ATP4A: variants seen among roughly 807,000 people sequenced by gnomAD.
ATP4A encodes ATPase H+/K+ transporting subunit alpha, also known as potassium-transporting ATPase alpha chain 1.
In ATP4A, 73 loss-of-function variants were observed where a neutral mutation model predicts 112.1. The observed-to-expected ratio is 0.65, with a 90% CI of 0.54 to 0.79. The LOEUF (loss-of-function observed/expected upper bound fraction) is 0.79. Ranked by LOEUF, ATP4A falls within the 30% of genes least tolerant of loss-of-function variation. ATP4A has a pLI of 0.00. For synonymous variants in ATP4A, 588 were observed against 588.9 expected (o/e 1.00, Z 0.02); for missense variants, 1,081 against 1,425.9 (o/e 0.76, Z 3.90).
In ATP4A at chr19:35,559,014, C is replaced by T. The variant is rs1436830658; in HGVS notation, c.1234G>A (p.Asp412Asn). The change falls in exon 8 of 22, where the codon GAC (aspartate) becomes AAC (asparagine). Residue 412 changes from aspartate to asparagine, a missense_variant. By Grantham distance (23) the Asp-to-Asn change is conservative (BLOSUM62 1). Around this residue, in one of 3 missense-constraint regions of ATP4A, gnomAD observed 850 missense variants for 1,068.2 expected, o/e 0.80. Transcript: ENST00000262623. The surrounding 1 kb of genome is among the most constrained non-coding windows in gnomAD (Gnocchi z 4.1). ...LWFDNHIHTA[D>N]TTEDQSGQTF... ...ACACCTGACTGGTCTTCCGTGGTGT[C>T]AGCTGTGTGGATGTGGTTGTCAAAC... 1 of 1,614,204 alleles carries T rather than the reference C, an allele frequency of 6.2e-7. No individual in the cohort carries two copies. The highest frequency in any genetic ancestry group is 1.1e-5 in the South Asian group (1 of 91,074).
chr19:35,550,896 T>C lies in ATP4A; in HGVS notation c.3017A>G (p.Tyr1006Cys), dbSNP rs763693283. The C allele has an allele frequency of 6.2e-6, 10 of 1,614,018 alleles. No homozygotes were observed. The highest frequency in any genetic ancestry group is 8.5e-6 in the Non-Finnish European group (10 of 1,180,022). The change falls in exon 21 of 22, where the codon TAC becomes TGC. Residue 1006 changes from tyrosine (Y) to cysteine (C), a missense_variant. This residue lies in a region of ATP4A where 219 missense variants were observed against 320.9 expected (regional missense o/e 0.68). Coordinates refer to ENST00000262623, the MANE Select transcript of ATP4A (RefSeq NM_000704.3). This position sits in a 1 kb window ranked among gnomAD's most constrained non-coding sequence, Gnocchi z 4.1. Reference sequence around the variant, plus strand: ...ATCATAGACGAAGATGAGGATGCCGTAGGGCAGGGGGACCAGCCACCACTG... The same window carrying C: ...ATCATAGACGAAGATGAGGATGCCGCAGGGCAGGGGGACCAGCCACCACTG... ...RFQWWLVPLP[Y>C]GILIFVYDEI...
At chr19:35,556,771 T>C in intron 12 of ATP4A, 142 bp downstream of exon 12, 1 of 1,011,178 alleles carries the variant, frequency 9.9e-7, no homozygotes. Context: ...TGAAGCTTAA[T>C]TCCCCAGAAT....
chr19:35,553,923 C>G (rs1296964712), intron 16 of ATP4A, 94 bp from the exon 17 acceptor site: 2 of 1,487,752 alleles, frequency 1.3e-6, no homozygotes, highest in Non-Finnish European at 1.8e-6. Flanking sequence ...TGAGCAGGAA[C>G]AGGACTGAGG....
In ATP4A at chr19:35,558,278, C is replaced by G; in HGVS notation, c.1500+84G>C. On this transcript the variant is annotated intron_variant, in intron 10 of 21. Transcript: ENST00000262623. The surrounding 1 kb of genome is among the most constrained non-coding windows in gnomAD (Gnocchi z 5.1). Reference sequence around the variant, plus strand: ...GAGAGAAGGGGCAAGGAGCGAAGCCCCTCGTGGCCCGCTGATGTGGGTGTG... The same window carrying G: ...GAGAGAAGGGGCAAGGAGCGAAGCCGCTCGTGGCCCGCTGATGTGGGTGTG... 2.7e-6 allele frequency: 4 copies of G among 1,491,510 alleles called. No homozygotes were observed. The highest frequency in any genetic ancestry group is 3.6e-6 in the Non-Finnish European group (4 of 1,111,340). 92.4% of individuals were successfully genotyped at this position (1,491,510 alleles called of 1,614,324 possible).
Position 35,563,514 on chromosome 19 carries a change from A to T in ATP4A, c.26T>A (p.Leu9His), listed in dbSNP as rs543393075. The T allele has an allele frequency of 6.2e-7, 1 of 1,613,874 alleles. No individual in the cohort carries two copies. The highest frequency in any genetic ancestry group is 2.2e-5 in the East Asian group (1 of 44,846). Reference sequence around the variant, plus strand: ...GCCAGGACCCAGCTCCACCGAGTAGAGCTCATAGTTCTCCTGGGAATGGAC... The same window carrying T: ...GCCAGGACCCAGCTCCACCGAGTAGTGCTCATAGTTCTCCTGGGAATGGAC... MGKAENYE[L>H]YSVELGPGPG... Residue 9 changes from leucine (L) to histidine (H), a missense_variant, in exon 2 of 22, where the codon CTC (leucine) becomes CAC (histidine). Physicochemically the swap from Leu to His is moderately conservative, Grantham distance 99. Coordinates refer to ENST00000262623, the MANE Select transcript of ATP4A (RefSeq NM_000704.3).
chr19:35,561,847 CTTTTTTTT>C (rs71167554), intron 4 of ATP4A, among the ~76,000 whole-genome samples: 179 of 103,808 alleles, frequency 1.7e-3, no homozygotes, highest in African/African-American at 6.8e-3. Context: ...AGTCCCATCT[CTTTTTTTT>C]TTTTTTTTTT....
At position 35,550,677 on chromosome 19, in the gene ATP4A, T is replaced by TG; in HGVS notation, c.3080-35dup. ...GAGAGGGAGAAAGGAGACTCAGTGC[T>TG]GGGGGTGCCACTTAGGCAGGGCCAG... is the stretch of plus-strand genomic sequence containing the variant. On this transcript the variant is annotated intron_variant, in intron 21 of 21. Coordinates refer to ENST00000262623, the MANE Select transcript of ATP4A (RefSeq NM_000704.3). This position sits in a 1 kb window ranked among gnomAD's most constrained non-coding sequence, Gnocchi z 4.1. 1 of 1,613,692 alleles carries TG rather than the reference T, an allele frequency of 6.2e-7. No homozygotes were observed. Among genetic ancestry groups the TG allele is most frequent in the Non-Finnish European group, 8.5e-7 (1 of 1,179,758 alleles).
rs1278762997 is a variant in ATP4A at position 35,563,613 on chromosome 19, C to T, written c.12+5G>A. The T allele has an allele frequency of 6.2e-7, 1 of 1,614,018 alleles. No individual in the cohort carries two copies. The highest frequency in any genetic ancestry group is 2.2e-5 in the East Asian group (1 of 44,860). On this transcript the variant is annotated splice_donor_5th_base_variant and intron_variant, in intron 1 of 21. Coordinates refer to ENST00000262623, the MANE Select transcript of ATP4A (RefSeq NM_000704.3). ...CTGCACCCCGGACCCCTGGGCCCCACTCACGGCCTTCCCCATGGTGCCCGG... is the reference window on the plus strand; with the variant it reads ...CTGCACCCCGGACCCCTGGGCCCCATTCACGGCCTTCCCCATGGTGCCCGG...
rs1448074397 is a variant in ATP4A at position 35,553,036 on chromosome 19, C to G, written c.2751+1G>C. 1 of 1,595,350 alleles carries G rather than the reference C, an allele frequency of 6.3e-7. No homozygotes were observed. The highest frequency in any genetic ancestry group is 1.3e-5 in the African/African-American group (1 of 74,598). The stretch of plus-strand genomic sequence containing the variant: ...ATGGGATGGGGCGGGGCAGGGCTCA[C>G]CCACTCCTGGCCGTAGCTGTCCTGC... On this transcript the variant is annotated splice_donor_variant, in intron 18 of 21. Coordinates refer to ENST00000262623, the MANE Select transcript of ATP4A (RefSeq NM_000704.3). LOFTEE classifies it high-confidence loss of function.
chr19:35,553,219 G>T, intron 17 of ATP4A, 37 bp from the exon 18 acceptor site: 1 of 1,569,936 alleles, frequency 6.4e-7, no homozygotes. Context: ...AGACAGAGAT[G>T]GACACAGAGA....
Position 35,555,451 on chromosome 19 carries a change from A to G in ATP4A, c.2146T>C (p.Cys716Arg). Residue 716 changes from cysteine to arginine, a missense_variant, in exon 14 of 22, where the codon TGC becomes CGC. This residue lies in a region of ATP4A where 850 missense variants were observed against 1,068.2 expected (regional missense o/e 0.80). Transcript: ENST00000262623. The surrounding 1 kb of genome is among the most constrained non-coding windows in gnomAD (Gnocchi z 6.6). ...TCAGCAGGGCTCACCAGCCGCTGGC[A>G]GCTCTCCACGATCACCAGCTTCTGC... ...PQQKLVIVES[C>R]QRLGAIVAVT... 1 of 1,612,244 alleles carries G rather than the reference A, an allele frequency of 6.2e-7. No homozygotes were observed. Among genetic ancestry groups the G allele is most frequent in the Non-Finnish European group, 8.5e-7 (1 of 1,179,074 alleles).
At position 35,557,519 on chromosome 19, in the gene ATP4A, G is replaced by C; in HGVS notation, c.1693+136C>G. ...CAGGACTGGTACAGGGAAAGTCAAG[G>C]GTGAGGCTGTGGACTGCGACAAATC... is the stretch of plus-strand genomic sequence containing the variant. On this transcript the variant is annotated intron_variant, in intron 11 of 21. Transcript: ENST00000262623. This position sits in a 1 kb window ranked among gnomAD's most constrained non-coding sequence, Gnocchi z 4.4. The C allele has an allele frequency of 2.8e-6, 3 of 1,084,014 alleles. No individual in the cohort carries two copies. In the South Asian group the frequency reaches 4.8e-5, roughly 17 times the overall value. The allele number at this position is 1,084,014 out of a possible 1,614,324, so 67.1% of individuals were successfully genotyped here. A position where few individuals can be genotyped will look rare whatever the true frequency, so the allele number is the denominator to read the frequency against.
chr19:35,562,702 A>G, intron 3 of ATP4A, 64 bp from the exon 4 acceptor site: 1 of 1,473,792 alleles, frequency 6.8e-7, no homozygotes, highest in Non-Finnish European at 9.1e-7. Flanking sequence ...ACCCCGTGGA[A>G]AGCCCCCTGC....
chr19:35,554,364 A>G (rs914204190), intron 16 of ATP4A, among the ~76,000 whole-genome samples: 1 of 151,904 alleles, frequency 6.6e-6, no homozygotes, highest in Non-Finnish European at 1.5e-5. Flanking sequence ...TGATGAGCTC[A>G]TCAGTAAAGT....
chr19:35,556,076 T>C (rs919556964), intron 12 of ATP4A, among the ~76,000 whole-genome samples: 134 of 152,234 alleles, frequency 8.8e-4, no homozygotes, highest in African/African-American at 3.1e-3. Flanking sequence ...AAGGAAACGG[T>C]GACTCGATTT....
In ATP4A at chr19:35,553,092, G is replaced by A. The variant is rs371996937; in HGVS notation, c.2696C>T (p.Ala899Val). 4.4e-5 allele frequency: 71 copies of A among 1,611,404 alleles called. No homozygotes were observed. The highest frequency in any genetic ancestry group is 5.4e-5 in the Non-Finnish European group (64 of 1,177,940). ...WFPLLCVGLR[A>V]QWEDHHLQDL... is the part of the protein sequence containing the mutation. ...TTGTAGGTGGTGGTCCTCCCACTGC[G>A]CCCGCAGCCCCACGCACAGCAGTGG... The change falls in exon 18 of 22, where the codon GCG becomes GTG. Residue 899 changes from alanine (A) to valine (V), a missense_variant. By Grantham distance (64) the Ala-to-Val change is moderately conservative (BLOSUM62 0). Coordinates refer to ENST00000262623, the MANE Select transcript of ATP4A (RefSeq NM_000704.3).
At chr19:35,562,863 G>A (rs1458680025) in intron 3 of ATP4A, among the ~76,000 whole-genome samples, 2 of 144,890 alleles carry the variant, frequency 1.4e-5, no homozygotes, top group East Asian at 4.1e-4. Context: ...CTCTCCTGCT[G>A]CTCTCTCCTT....
Position 35,558,679 on chromosome 19 carries a change from C to A in ATP4A, c.1263G>T (p.Thr421=). ...GCCACGTCTCCGAGGACTGGTCAAA[C>A]GTCTGCCCTGCAGACCAGGCGTCCA... The part of the protein sequence containing the change: ...ADTTEDQSGQ[T]FDQSSETWRA... Residue 421 remains threonine (T), a synonymous_variant, in exon 9 of 22, where the codon ACG becomes ACT. Transcript: ENST00000262623. The surrounding 1 kb of genome is among the most constrained non-coding windows in gnomAD (Gnocchi z 5.1). The A allele has an allele frequency of 6.3e-7, 1 of 1,597,694 alleles. No individual in the cohort carries two copies. The highest frequency in any genetic ancestry group is 8.5e-7 in the Non-Finnish European group (1 of 1,174,418).
Position 35,559,270 on chromosome 19 carries a change from G to A in ATP4A, c.1057-79C>T. 7 of 1,487,856 alleles carry A rather than the reference G, an allele frequency of 4.7e-6. No homozygotes were observed. Among genetic ancestry groups the A allele is most frequent in the Admixed American group, 1.7e-5 (1 of 58,134 alleles). 92.2% of individuals were successfully genotyped at this position (1,487,856 alleles called of 1,614,324 possible). A position where few individuals can be genotyped will look rare whatever the true frequency, so the allele number is the denominator to read the frequency against. The stretch of plus-strand genomic sequence containing the variant: ...CTTCCCCGCGTCAAAGAACGGGGAA[G>A]GCTTTACCCCAGCCGCGGGGCTGCG... On this transcript the variant is annotated intron_variant, in intron 7 of 21. Coordinates refer to ENST00000262623, the MANE Select transcript of ATP4A (RefSeq NM_000704.3). The surrounding 1 kb of genome is among the most constrained non-coding windows in gnomAD (Gnocchi z 4.1).
Sources: allele counts gnomAD v4.1 joint callset (sites outside exome capture counted in the v4.1 genomes callset), GRCh38; gene constraint gnomAD v4.1.1; regional missense constraint gnomAD v4.1.1; non-coding constraint Gnocchi (gnomAD v3.1); transcripts MANE v1.5; gene names NCBI Gene and HGNC (gene_info 2026-07-23, HGNC 2026-07-21).